WWOX: variants seen among roughly 807,000 people sequenced by gnomAD.
WWOX encodes the protein WW domain containing oxidoreductase, also known as WW domain-containing oxidoreductase.
Under a neutral mutation model 46.2 loss-of-function variants are expected in WWOX, and 69 were observed. The observed-to-expected ratio is 1.49, with a 90% CI of 1.23 to 1.82. WWOX has a LOEUF of 1.82. WWOX is among the 40% of genes most tolerant of loss of function. The probability of loss-of-function intolerance (pLI) is 0.00; values close to 1 mark genes in which losing one functional copy is unlikely to be tolerated. For synonymous variants in WWOX, 359 were observed against 202.6 expected (o/e 1.77, Z -6.56); for missense variants, 919 against 542.6 (o/e 1.69, Z -6.89).
intron 4 of WWOX, among the ~76,000 whole-genome samples, chr16:78,132,468 T>G (rs2033637637): frequency 6.6e-6 from 1 of 152,246 alleles, no homozygotes. Context: ...GTTTAATTGC[T>G]TCTTCTGTAA....
intron 6 of WWOX, among the ~76,000 whole-genome samples, chr16:78,388,361 T>C (rs960278299): frequency 1.3e-5 from 2 of 152,114 alleles, no homozygotes; most frequent in Non-Finnish European, 2.9e-5. Flanking sequence ...AAAAGTTTGC[T>C]CTCAGCTGGG....
In WWOX at chr16:79,013,707, C is replaced by G. The variant is rs150616076; in HGVS notation, c.1057-197901C>G. Among the ~76,000 whole-genome samples, 748 of 152,342 alleles carry G rather than the reference C, an allele frequency of 4.9e-3. 6 individuals carry two copies. Among genetic ancestry groups the G allele is most frequent in the African/African-American group, 0.017 (703 of 41,570 alleles). On this transcript the variant is annotated intron_variant, in intron 8 of 8. Coordinates refer to ENST00000566780, the MANE Select transcript of WWOX (RefSeq NM_016373.4). Reference sequence around the variant, plus strand: ...ACCCAAGTTGACTTGGAGAACCAATCTGAAATCAGATGGGAGCTCCCGGAA... The same window carrying G: ...ACCCAAGTTGACTTGGAGAACCAATGTGAAATCAGATGGGAGCTCCCGGAA...
chr16:78,302,936 G>C (rs1437288385), intron 5 of WWOX, among the ~76,000 whole-genome samples: 3 of 152,150 alleles, frequency 2.0e-5, no homozygotes, highest in Non-Finnish European at 2.9e-5. Flanking sequence ...AACTGTAATG[G>C]TCTTGTTGAA....
At chr16:78,604,945 T>TG (rs1485368029) in intron 8 of WWOX, among the ~76,000 whole-genome samples, 8 of 832 alleles carry the variant, frequency 9.6e-3, no homozygotes, top group African/African-American at 0.042. Context: ...CCTCCCTCCC[T>TG]TCTTTCCTTC....
rs1224987806 is a variant in WWOX, at chr16:78,539,625, A to G, written c.1056+106873A>G. Among the ~76,000 whole-genome samples the G allele has an allele frequency of 2.0e-5, 3 of 152,252 alleles. No homozygotes were observed. In the East Asian group the frequency reaches 5.8e-4, roughly 29 times the overall value. ...TCCCGATTCTCTTCCACGTGTGGAC[A>G]GATTGGCACATATGTGTGTGTGCAA... On this transcript the variant is annotated intron_variant, in intron 8 of 8. Transcript: ENST00000566780.
intron 8 of WWOX, among the ~76,000 whole-genome samples, chr16:78,827,934 A>G (rs1010385398): frequency 1.3e-5 from 2 of 152,202 alleles, no homozygotes; most frequent in African/African-American, 4.8e-5. Flanking sequence ...TAGGAGTCAG[A>G]GTAAGGGGGC....
chr16:78,725,908 C>G (rs866460955), intron 8 of WWOX, among the ~76,000 whole-genome samples: 1 of 152,008 alleles, frequency 6.6e-6, no homozygotes, highest in African/African-American at 2.4e-5. Context: ...GTCTCTACTC[C>G]TTTTCTTCTC....
At chr16:78,299,749 G>A (rs1483513884) in intron 5 of WWOX, among the ~76,000 whole-genome samples, 4 of 151,930 alleles carry the variant, frequency 2.6e-5, no homozygotes, top group African/African-American at 7.3e-5. Flanking sequence ...GGCTGTTCTC[G>A]AACTCCTGGG....
At chr16:78,717,549 T>C (rs1330392659) in intron 8 of WWOX, among the ~76,000 whole-genome samples, 1 of 152,220 alleles carries the variant, frequency 6.6e-6, no homozygotes, top group Non-Finnish European at 1.5e-5. Flanking sequence ...ATTTGCTCTC[T>C]TTGATGGTGG....
At chr16:78,181,038 T>G (rs2035517183) in intron 5 of WWOX, among the ~76,000 whole-genome samples, 1 of 152,182 alleles carries the variant, frequency 6.6e-6, no homozygotes, top group Non-Finnish European at 1.5e-5. Context: ...TCTAATATCC[T>G]TCTTCCTTTT....
At chr16:78,642,428 C>T (rs1410947882) in intron 8 of WWOX, among the ~76,000 whole-genome samples, 1 of 152,106 alleles carries the variant, frequency 6.6e-6, no homozygotes, top group East Asian at 1.9e-4. Flanking sequence ...TCTTTGGGCT[C>T]CCTGCTTTTA....
chr16:78,179,595 A>G (rs1395874329), intron 5 of WWOX: 1 of 152,252 alleles, frequency 6.6e-6, no homozygotes, highest in African/African-American at 2.4e-5. Context: ...AATAATAATA[A>G]TAACAGTAGT....
chr16:78,743,002 C>G (rs939081121), intron 8 of WWOX, among the ~76,000 whole-genome samples: 1 of 150,840 alleles, frequency 6.6e-6, no homozygotes, highest in Non-Finnish European at 1.5e-5. Context: ...CCCAACTCCC[C>G]ACATACAGTC....
intron 8 of WWOX, among the ~76,000 whole-genome samples, chr16:78,894,717 C>G (rs761467875): frequency 7.9e-5 from 12 of 152,050 alleles, no homozygotes; most frequent in Non-Finnish European, 1.6e-4. Flanking sequence ...GCATGGAAGG[C>G]CACGTTGCAA....
intron 8 of WWOX, among the ~76,000 whole-genome samples, chr16:78,678,949 C>T (rs934511785): frequency 4.6e-5 from 7 of 152,162 alleles, no homozygotes; most frequent in African/African-American, 9.7e-5. Flanking sequence ...GCCTGGCATA[C>T]GGCATCAGTT....
chr16:78,175,534 C>T (rs990043999), intron 5 of WWOX, among the ~76,000 whole-genome samples: 2 of 152,138 alleles, frequency 1.3e-5, no homozygotes, highest in Non-Finnish European at 2.9e-5. Flanking sequence ...CACTCACCAG[C>T]CACCATGTTG....
intron 8 of WWOX, among the ~76,000 whole-genome samples, chr16:78,545,830 T>C (rs527719109): frequency 6.6e-6 from 1 of 152,286 alleles, no homozygotes; most frequent in South Asian, 2.1e-4. Context: ...TGTCCTCACG[T>C]GGCCTTCCGT....
At chr16:78,867,021 G>C (rs866033389) in intron 8 of WWOX, among the ~76,000 whole-genome samples, 2 of 152,216 alleles carry the variant, frequency 1.3e-5, no homozygotes, top group South Asian at 2.1e-4. Flanking sequence ...TGCAGGCTGG[G>C]TCTAGTCCTT....
At chr16:78,296,102 G>A (rs1027110920) in intron 5 of WWOX, among the ~76,000 whole-genome samples, 1 of 152,176 alleles carries the variant, frequency 6.6e-6, no homozygotes, top group African/African-American at 2.4e-5. Context: ...CTAGCTCTTC[G>A]AAGTGGGAAA....
Sources: gnomAD v4.1 joint callset for allele counts (sites outside exome capture counted in the v4.1 genomes callset) on GRCh38, gnomAD v4.1.1 for gene constraint, MANE v1.5 for transcripts, NCBI Gene and HGNC (gene_info 2026-07-23, HGNC 2026-07-21) for gene names.